PEBP4: variants seen among roughly 807,000 people sequenced by gnomAD.
PEBP4 encodes phosphatidylethanolamine binding protein 4, also known as phosphatidylethanolamine-binding protein 4.
Under a neutral mutation model 23.9 loss-of-function variants are expected in PEBP4, and 22 were observed. The ratio of observed to expected loss-of-function variants is 0.92; its 90% CI spans 0.66 to 1.31. The LOEUF (loss-of-function observed/expected upper bound fraction) is 1.31. PEBP4 is among the 40% of genes most tolerant of loss of function. The pLI, the probability that PEBP4 is intolerant of heterozygous loss-of-function variation, is 0.00. For synonymous variants in PEBP4, 112 were observed against 99.3 expected (o/e 1.13, Z -0.76); for missense variants, 324 against 281.7 (o/e 1.15, Z -1.07).
At chr8:22,784,346 G>T (rs1416623941) in intron 4 of PEBP4, among the ~76,000 whole-genome samples, 1 of 152,206 alleles carries the variant, frequency 6.6e-6, no homozygotes, top group Non-Finnish European at 1.5e-5. Flanking sequence ...AGGAATCAAA[G>T]GCAAGAACGA....
intron 4 of PEBP4, among the ~76,000 whole-genome samples, chr8:22,732,754 T>G (rs1480385989): frequency 6.6e-6 from 1 of 152,028 alleles, no homozygotes; most frequent in Non-Finnish European, 1.5e-5. Flanking sequence ...CAGGACTAGG[T>G]GCAAATTATT....
At chr8:22,939,273 A>G (rs1304105782) in intron 1 of PEBP4, among the ~76,000 whole-genome samples, 1 of 152,094 alleles carries the variant, frequency 6.6e-6, no homozygotes, top group African/African-American at 2.4e-5. Context: ...TTTTCTTCAA[A>G]GGTGGAGAGG....
intron 6 of PEBP4, among the ~76,000 whole-genome samples, chr8:22,714,675 A>T (rs1195424321): frequency 6.6e-6 from 1 of 152,036 alleles, no homozygotes; most frequent in Non-Finnish European, 1.5e-5. Context: ...TCTGATACCC[A>T]GACAGAAGAG....
intron 4 of PEBP4, among the ~76,000 whole-genome samples, chr8:22,727,877 C>T (rs1172198369): frequency 6.6e-6 from 1 of 152,132 alleles, no homozygotes. Flanking sequence ...CCCTCCTCCC[C>T]TCCACTCAGT....
intron 6 of PEBP4, among the ~76,000 whole-genome samples, chr8:22,723,095 T>A (rs1411315705): frequency 6.6e-6 from 1 of 152,102 alleles, no homozygotes; most frequent in African/African-American, 2.4e-5. Context: ...AGGGCCATTT[T>A]AAACCCTGTA....
At position 22,786,989 on chromosome 8, in the gene PEBP4, TA is replaced by T. The variant is rs374076557; in HGVS notation, c.357+30647del. ...GTGTGTATCACCATTCCTGGCTTAT[TA>T]AAAAATTTTTTTTGTAGAGACAGGG... On this transcript the variant is annotated intron_variant, in intron 4 of 6. Transcript: ENST00000256404. Among the ~76,000 whole-genome samples, 96 of 152,224 alleles carry T rather than the reference TA, an allele frequency of 6.3e-4. 1 individual carries two copies. In the South Asian group the frequency reaches 0.02, roughly 32 times the overall value.
intron 3 of PEBP4, among the ~76,000 whole-genome samples, chr8:22,898,845 G>A (rs1186778291): frequency 6.6e-6 from 1 of 152,204 alleles, no homozygotes; most frequent in Non-Finnish European, 1.5e-5. Flanking sequence ...GCTGGGTCCT[G>A]AGGAGGCCCC....
chr8:22,783,782 G>A (rs540941054), intron 4 of PEBP4, among the ~76,000 whole-genome samples: 2 of 152,268 alleles, frequency 1.3e-5, no homozygotes, highest in African/African-American at 4.8e-5. Flanking sequence ...GCAGACATAT[G>A]CCACCATGCC....
chr8:22,807,532 A>G (rs138260336), intron 4 of PEBP4, among the ~76,000 whole-genome samples: 69 of 152,356 alleles, frequency 4.5e-4, no homozygotes, highest in African/African-American at 1.6e-3. Flanking sequence ...GATGTTTGCA[A>G]TAACAATCTA....
chr8:22,848,438 TA>T (rs1242903311), intron 3 of PEBP4, among the ~76,000 whole-genome samples: 3 of 149,826 alleles, frequency 2.0e-5, no homozygotes, highest in African/African-American at 7.5e-5. Context: ...CCAAGGGGGA[TA>T]GGGGAGAGGA....
intron 4 of PEBP4, among the ~76,000 whole-genome samples, chr8:22,797,917 T>C (rs112993261): frequency 0.011 from 1,711 of 152,192 alleles, 34 homozygotes; most frequent in African/African-American, 0.039. Flanking sequence ...GGTACAGGGC[T>C]GGCTGTGCAC....
At chr8:22,720,195 G>C (rs1379405164) in intron 6 of PEBP4, among the ~76,000 whole-genome samples, 1 of 152,246 alleles carries the variant, frequency 6.6e-6, no homozygotes. Context: ...AAATACAAAA[G>C]AGATCAAAGC....
chr8:22,925,258 C>A (rs748207178), intron 2 of PEBP4: 91 of 985,318 alleles, frequency 9.2e-5, no homozygotes, highest in Non-Finnish European at 1.1e-4. Context: ...AAGTCTCTTT[C>A]TCAGACTGGG....
chr8:22,767,460 G>A (rs1054389502), intron 4 of PEBP4, among the ~76,000 whole-genome samples: 1 of 152,158 alleles, frequency 6.6e-6, no homozygotes, highest in Non-Finnish European at 1.5e-5. Flanking sequence ...GTGATTTCTC[G>A]AGCGGGAAAG....
At chr8:22,897,368 C>T (rs548441562) in intron 3 of PEBP4, among the ~76,000 whole-genome samples, 1 of 152,096 alleles carries the variant, frequency 6.6e-6, no homozygotes, top group Non-Finnish European at 1.5e-5. Context: ...GAAGATACTG[C>T]TTGTCGAAGG....
chr8:22,919,313 C>A (rs1377028426), intron 3 of PEBP4, among the ~76,000 whole-genome samples: 1 of 152,178 alleles, frequency 6.6e-6, no homozygotes, highest in Non-Finnish European at 1.5e-5. Flanking sequence ...GGCCACGACC[C>A]TTCCATCTCC....
intron 2 of PEBP4, among the ~76,000 whole-genome samples, chr8:22,921,154 T>C (rs992632434): frequency 1.3e-5 from 2 of 152,234 alleles, no homozygotes; most frequent in Non-Finnish European, 2.9e-5. Context: ...ACAGGTAAGA[T>C]TTTTCAAAGA....
intron 3 of PEBP4, among the ~76,000 whole-genome samples, chr8:22,867,084 A>T (rs1807919860): frequency 6.6e-6 from 1 of 152,210 alleles, no homozygotes; most frequent in Non-Finnish European, 1.5e-5. Context: ...TTTCTGGGGA[A>T]GCCCCTCGGG....
intron 2 of PEBP4, among the ~76,000 whole-genome samples, chr8:22,924,200 C>CA (rs1217153034): frequency 6.6e-6 from 1 of 152,086 alleles, no homozygotes; most frequent in African/African-American, 2.4e-5. Flanking sequence ...CCCAACTCTA[C>CA]AAAAAATAAG....
Sources: allele counts gnomAD v4.1 joint callset (sites outside exome capture counted in the v4.1 genomes callset), GRCh38; gene constraint gnomAD v4.1.1; transcripts MANE v1.5; gene names NCBI Gene and HGNC (gene_info 2026-07-23, HGNC 2026-07-21).